Variants in TEX2 observed in about 807,000 individuals in gnomAD.
TEX2 encodes the protein testis-expressed protein 2.
Under a neutral mutation model 106.9 loss-of-function variants are expected in TEX2, and 53 were observed. The observed-to-expected ratio is 0.50, with a 90% confidence interval of 0.40 to 0.62. The LOEUF (loss-of-function observed/expected upper bound fraction) is 0.62. TEX2 is among the 20% of genes least tolerant of loss of function. The pLI, the probability that TEX2 is intolerant of heterozygous loss-of-function variation, is 0.00. For missense variants in TEX2, 1,207 were observed against 1,379.0 expected (o/e 0.88, Z 1.98); for synonymous variants, 523 against 534.8 (o/e 0.98, Z 0.30).
chr17:64,182,871 A>T (rs2031932807), intron 5 of TEX2, among the ~76,000 whole-genome samples: 1 of 151,338 alleles, frequency 6.6e-6, no homozygotes, highest in African/African-American at 2.4e-5. Context: ...TCCACTCACC[A>T]GTTAATGGAA....
chr17:64,159,633 G>A (rs931654247), intron 8 of TEX2, among the ~76,000 whole-genome samples: 23 of 152,134 alleles, frequency 1.5e-4, no homozygotes, highest in African/African-American at 5.3e-4. Flanking sequence ...ACATGGGACC[G>A]AACAAGACTC....
intron 1 of TEX2, among the ~76,000 whole-genome samples, chr17:64,252,459 C>T (rs1189358664): frequency 6.6e-6 from 1 of 152,052 alleles, no homozygotes. Context: ...CAGGTGCACA[C>T]CACCATGCCT....
In TEX2 at chr17:64,148,956, C is replaced by G; in HGVS notation, c.*13G>C. The stretch of plus-strand genomic sequence containing the variant: ...CTCGATGTCACAATATGGGGAACAT[C>G]TGACATCACCCATCATGGCTGATCA... On this transcript the variant is annotated 3_prime_UTR_variant, in exon 12 of 12. Transcript: ENST00000584379. 1 of 1,613,994 alleles carries G rather than the reference C, an allele frequency of 6.2e-7. No individual in the cohort carries two copies. The highest frequency in any genetic ancestry group is 8.5e-7 in the Non-Finnish European group (1 of 1,179,928).
At chr17:64,208,164 A>C (rs1429273806) in intron 2 of TEX2, among the ~76,000 whole-genome samples, 2 of 152,250 alleles carry the variant, frequency 1.3e-5, no homozygotes, top group African/African-American at 4.8e-5. Flanking sequence ...ATCCTGTTAA[A>C]GATGGACTGT....
intron 4 of TEX2, among the ~76,000 whole-genome samples, chr17:64,188,763 C>A (rs1162708625): frequency 1.3e-5 from 2 of 150,844 alleles, no homozygotes; most frequent in African/African-American, 4.9e-5. Flanking sequence ...TTGCAGTGAG[C>A]CAAGATCATG....
intron 8 of TEX2, among the ~76,000 whole-genome samples, chr17:64,158,236 C>T (rs983757377): frequency 2.0e-5 from 3 of 152,368 alleles, no homozygotes; most frequent in Admixed American, 1.3e-4. Flanking sequence ...TAAAGGTGAA[C>T]AAACTTCCTA....
chr17:64,191,025 T>C (rs1041147635), intron 4 of TEX2, among the ~76,000 whole-genome samples: 2 of 152,218 alleles, frequency 1.3e-5, no homozygotes, highest in African/African-American at 4.8e-5. Context: ...GATTCAGAGA[T>C]GGTTTTGAAG....
intron 1 of TEX2, among the ~76,000 whole-genome samples, chr17:64,260,544 G>T (rs1269255625): frequency 4.6e-5 from 7 of 152,064 alleles, no homozygotes; most frequent in Non-Finnish European, 1.0e-4. Flanking sequence ...TGTCACCTTG[G>T]GCAAGTTACT....
At chr17:64,206,799 C>T (rs1314753372) in intron 2 of TEX2, among the ~76,000 whole-genome samples, 4 of 151,966 alleles carry the variant, frequency 2.6e-5, no homozygotes, top group Admixed American at 6.6e-5. Context: ...CCTGACCTCA[C>T]ATGATCCACC....
intron 4 of TEX2, among the ~76,000 whole-genome samples, chr17:64,189,181 C>G (rs571048899): frequency 6.6e-6 from 1 of 152,290 alleles, no homozygotes; most frequent in African/African-American, 2.4e-5. Context: ...AAGACATAAT[C>G]CCTGCCCTTG....
chr17:64,239,904 A>AAAAG (rs781859721), intron 1 of TEX2, among the ~76,000 whole-genome samples: 8 of 118,846 alleles, frequency 6.7e-5, no homozygotes, highest in Non-Finnish European at 9.0e-5. Flanking sequence ...AAAAAAAAAA[A>AAAAG]GCAGAGAAGA....
chr17:64,211,260 C>A (rs1478339933), intron 2 of TEX2, among the ~76,000 whole-genome samples: 20 of 152,306 alleles, frequency 1.3e-4, no homozygotes, highest in African/African-American at 4.8e-4. Flanking sequence ...CATGCCCAGC[C>A]TCTATTACTT....
At chr17:64,180,072 T>C (rs1338221726) in intron 5 of TEX2, among the ~76,000 whole-genome samples, 3 of 152,236 alleles carry the variant, frequency 2.0e-5, no homozygotes, top group African/African-American at 7.2e-5. Context: ...CTGAGGTTAC[T>C]GTCTTTGAGT....
At chr17:64,255,574 C>T (rs1408013005) in intron 1 of TEX2, 1 of 152,080 alleles carries the variant, frequency 6.6e-6, no homozygotes, top group African/African-American at 2.4e-5. Context: ...TTTTAAAATT[C>T]CAGAGCAAAA....
At chr17:64,198,621 T>C (rs2032555235) in intron 2 of TEX2, among the ~76,000 whole-genome samples, 2 of 152,168 alleles carry the variant, frequency 1.3e-5, no homozygotes, top group African/African-American at 4.8e-5. Flanking sequence ...CTTGAGAATA[T>C]GGATTATGTG....
At chr17:64,206,154 G>A (rs940081584) in intron 2 of TEX2, among the ~76,000 whole-genome samples, 6 of 152,044 alleles carry the variant, frequency 3.9e-5, no homozygotes, top group African/African-American at 1.4e-4. Context: ...CATTTTCCCC[G>A]TGCCCAAACC....
chr17:64,213,427 G>C lies in TEX2; in HGVS notation c.791C>G (p.Pro264Arg). Residue 264 changes from proline (P) to arginine (R), a missense_variant, in exon 2 of 12, where the codon CCT becomes CGT. Pro to Arg is a moderately radical substitution (Grantham distance 103). This residue lies in a region of TEX2 where 1,067 missense variants were observed against 1,193.6 expected (regional missense o/e 0.89). Coordinates refer to ENST00000584379, the MANE Select transcript of TEX2 (RefSeq NM_001288732.2). This position sits in a 1 kb window ranked among gnomAD's most constrained non-coding sequence, Gnocchi z 4.4. ...AGAGGGAGAAGTCAGTGGGGAAGAAGGTGCAGTTTTGGAATCTCCACCTGT... is the reference window on the plus strand; with the variant it reads ...AGAGGGAGAAGTCAGTGGGGAAGAACGTGCAGTTTTGGAATCTCCACCTGT... Reference protein sequence around the residue: ...RNTGGDSKTAPSSPLTSPSDT... With the variant: ...RNTGGDSKTARSSPLTSPSDT... 6.2e-7 allele frequency: 1 copy of C among 1,614,138 alleles called. No homozygotes were observed. Among genetic ancestry groups the C allele is most frequent in the Non-Finnish European group, 8.5e-7 (1 of 1,180,032 alleles).
chr17:64,151,189 TGA>T (rs2030336410), intron 10 of TEX2, among the ~76,000 whole-genome samples: 1 of 152,204 alleles, frequency 6.6e-6, no homozygotes, highest in Admixed American at 6.5e-5. Context: ...TCTGACAAAC[TGA>T]GAGAGCCAGG....
At chr17:64,191,712 G>C (rs1227962598) in intron 4 of TEX2, among the ~76,000 whole-genome samples, 1 of 151,274 alleles carries the variant, frequency 6.6e-6, no homozygotes, top group East Asian at 1.9e-4. Context: ...CAGCTACTCA[G>C]GAGGCTGAGG....
Sources: gnomAD v4.1 joint callset for allele counts (sites outside exome capture counted in the v4.1 genomes callset) on GRCh38, gnomAD v4.1.1 for gene constraint, gnomAD v4.1.1 regional missense constraint, Gnocchi (gnomAD v3.1) non-coding constraint, MANE v1.5 for transcripts, NCBI Gene and HGNC (gene_info 2026-07-23, HGNC 2026-07-21) for gene names.